SLC4A7: variants seen among roughly 807,000 people sequenced by gnomAD.
The protein encoded by SLC4A7 is solute carrier family 4 member 7.
SLC4A7 carries 51 observed loss-of-function variants against 137.6 expected under a neutral mutation model. The observed-to-expected ratio is 0.37, with a 90% CI of 0.30 to 0.47. The LOEUF is 0.47. SLC4A7 is among the 20% of genes least tolerant of loss of function. SLC4A7 has a pLI of 1.00. For synonymous variants in SLC4A7, 542 were observed against 518.6 expected (o/e 1.05, Z -0.61); for missense variants, 1,247 against 1,525.4 (o/e 0.82, Z 3.04).
In SLC4A7 at chr3:27,373,700, C is replaced by T. The variant is rs1057198708; in HGVS notation, c.*3064G>A. 6.6e-6 allele frequency: 1 copy of T among 152,088 alleles called. No homozygotes were observed. Among genetic ancestry groups the T allele is most frequent in the Non-Finnish European group, 1.5e-5 (1 of 67,936 alleles). The allele number at this position is 152,088 out of a possible 1,614,324, so 9.4% of individuals were successfully genotyped here. ...TTCTTTCAACAGAATTTTGAACCTG[C>T]CTTTGTGAAAGAAAAAAATTAGAAA... On this transcript the variant is annotated 3_prime_UTR_variant, in exon 26 of 26. Coordinates refer to ENST00000454389, the MANE Select transcript of SLC4A7 (RefSeq NM_001321103.2).
intron 23 of SLC4A7, among the ~76,000 whole-genome samples, chr3:27,385,423 T>C (rs1418337816): frequency 1.3e-5 from 2 of 152,164 alleles, no homozygotes; most frequent in Non-Finnish European, 2.9e-5. Context: ...GATAATTACT[T>C]AAAAATCCTT....
Position 27,464,888 on chromosome 3 carries a change from T to C in SLC4A7, c.61-12390A>G, listed in dbSNP as rs551652144. Among the ~76,000 whole-genome samples, 7 of 152,256 alleles carry C rather than the reference T, an allele frequency of 4.6e-5. No homozygotes were observed. The East Asian group carries it at 7.7e-4, about 17-fold the overall frequency. On this transcript the variant is annotated intron_variant, in intron 1 of 25. Transcript: ENST00000454389. ...TCCGGGATAGTAACCTGGAATTCAA[T>C]TGGTGAGATGGACAGCCTGTTAGCC...
chr3:27,481,176 A>G (rs139865850), intron 1 of SLC4A7, among the ~76,000 whole-genome samples: 118 of 152,328 alleles, frequency 7.7e-4, no homozygotes, highest in African/African-American at 2.7e-3. Context: ...AACAACAACA[A>G]AAAAAGACTC....
intron 8 of SLC4A7, among the ~76,000 whole-genome samples, chr3:27,423,198 A>G (rs371750592): frequency 7.9e-5 from 12 of 152,352 alleles, no homozygotes; most frequent in African/African-American, 2.9e-4. Flanking sequence ...TCTGTAAAAT[A>G]TATCTTGTAG....
rs1422845445 is a variant in SLC4A7, at chr3:27,373,611, T to G, written c.*3153A>C. 1 of 152,190 alleles carries G rather than the reference T, an allele frequency of 6.6e-6. No homozygotes were observed. The highest frequency in any genetic ancestry group is 1.5e-5 in the Non-Finnish European group (1 of 67,992). 9.4% of individuals were successfully genotyped at this position (152,190 alleles called of 1,614,324 possible). ...CTGCTGAGCACATTTATAGAACTGA[T>G]GTACATCATATAATCCTTTAAACAG... On this transcript the variant is annotated 3_prime_UTR_variant, in exon 26 of 26. Coordinates refer to ENST00000454389, the MANE Select transcript of SLC4A7 (RefSeq NM_001321103.2).
At chr3:27,398,163 C>A in intron 17 of SLC4A7, 29 bp downstream of exon 17, 1 of 1,545,776 alleles carries the variant, frequency 6.5e-7, no homozygotes, top group Non-Finnish European at 8.8e-7. Context: ...ATGAATATTA[C>A]CAGAATTCCA....
chr3:27,409,614 T>A, intron 12 of SLC4A7, 84 bp from the exon 13 acceptor site: 1 of 1,040,490 alleles, frequency 9.6e-7, no homozygotes, highest in Non-Finnish European at 1.4e-6. Flanking sequence ...TACACAAAAC[T>A]GCTGGTGCCT....
rs1054419589 is a variant in SLC4A7, at chr3:27,409,501, T to C, written c.1796A>G (p.Lys599Arg). Residue 599 changes from lysine to arginine, a missense_variant, in exon 13 of 26, where the codon AAA becomes AGA. Coordinates refer to ENST00000454389, the MANE Select transcript of SLC4A7 (RefSeq NM_001321103.2). ...ACTCAAGAAAAAAGGTGCTTTCCTT[T>C]TGATGTCAAGTATCAAACCACCAAA... Reference protein sequence around the residue: ...RLFGGLILDIKRKAPFFLSDF... With the variant: ...RLFGGLILDIRRKAPFFLSDF... 2 of 1,613,338 alleles carry C rather than the reference T, an allele frequency of 1.2e-6. No individual in the cohort carries two copies. The highest frequency in any genetic ancestry group is 1.7e-6 in the Non-Finnish European group (2 of 1,179,664).
chr3:27,483,554 C>A (rs1020406640), intron 1 of SLC4A7, among the ~76,000 whole-genome samples: 6 of 152,174 alleles, frequency 3.9e-5, no homozygotes, highest in Non-Finnish European at 7.3e-5. Flanking sequence ...AGGGGACACT[C>A]GGAAAGAGGG....
chr3:27,397,902 G>A, intron 17 of SLC4A7, 105 bp from the exon 18 acceptor site: 1 of 681,322 alleles, frequency 1.5e-6, no homozygotes, highest in Non-Finnish European at 2.4e-6. Context: ...CGTACAAATG[G>A]AGCTTTTAAC....
intron 24 of SLC4A7, among the ~76,000 whole-genome samples, chr3:27,381,628 G>A (rs1232441585): frequency 6.6e-6 from 1 of 151,722 alleles, no homozygotes; most frequent in African/African-American, 2.4e-5. Context: ...ACATGTACAA[G>A]TCAAATGTTA....
intron 1 of SLC4A7, among the ~76,000 whole-genome samples, chr3:27,464,557 G>A (rs375586706): frequency 1.3e-3 from 202 of 152,162 alleles, no homozygotes; most frequent in African/African-American, 4.7e-3. Context: ...TTAGCCAGGC[G>A]TGGTGGCGGG....
chr3:27,392,828 A>G (rs2051714857), intron 20 of SLC4A7, among the ~76,000 whole-genome samples: 1 of 152,160 alleles, frequency 6.6e-6, no homozygotes, highest in African/African-American at 2.4e-5. Context: ...TCTGTCTCAA[A>G]AGAAAAAAGA....
At chr3:27,397,899 A>G in intron 17 of SLC4A7, 102 bp from the exon 18 acceptor site, 1 of 690,790 alleles carries the variant, frequency 1.4e-6, no homozygotes, top group Non-Finnish European at 2.4e-6. Flanking sequence ...CAACGTACAA[A>G]TGGAGCTTTT....
In SLC4A7 at chr3:27,424,117, A is replaced by T. The variant is rs1314670354; in HGVS notation, c.1186T>A (p.Leu396Met). The change falls in exon 8 of 26, where the codon TTG (leucine) becomes ATG (methionine). Residue 396 changes from leucine to methionine, a missense_variant. Transcript: ENST00000454389. ...LASPQSAPGN[L>M]DNSKSGEIKG... is the part of the protein sequence containing the mutation. ...ATTTCTCCACTTTTACTATTGTCCAAGTTTCCAGGAGCAGACTGGGGAGAG... is the reference window on the plus strand; with the variant it reads ...ATTTCTCCACTTTTACTATTGTCCATGTTTCCAGGAGCAGACTGGGGAGAG... 2 of 1,611,198 alleles carry T rather than the reference A, an allele frequency of 1.2e-6. No homozygotes were observed. Among genetic ancestry groups the T allele is most frequent in the Admixed American group, 3.3e-5 (2 of 59,722 alleles).
At chr3:27,378,138 C>G (rs1416053678) in intron 25 of SLC4A7, among the ~76,000 whole-genome samples, 1 of 151,914 alleles carries the variant, frequency 6.6e-6, no homozygotes, top group Non-Finnish European at 1.5e-5. Context: ...TTTTTAAGAT[C>G]AAAGACAGAA....
At chr3:27,443,451 T>C (rs2057373316) in intron 3 of SLC4A7, among the ~76,000 whole-genome samples, 2 of 152,154 alleles carry the variant, frequency 1.3e-5, no homozygotes, top group Admixed American at 1.3e-4. Context: ...AATAATCTTT[T>C]TTCAACGTAC....
At chr3:27,399,203 G>T (rs1182649251) in intron 16 of SLC4A7, among the ~76,000 whole-genome samples, 1 of 151,920 alleles carries the variant, frequency 6.6e-6, no homozygotes, top group East Asian at 1.9e-4. Context: ...CCATTCCATG[G>T]ATCATGAAAA....
In SLC4A7 at chr3:27,389,924, A is replaced by C. The variant is rs766181085; in HGVS notation, c.3360+7T>G. The C allele has an allele frequency of 5.6e-6, 9 of 1,609,576 alleles. No individual in the cohort carries two copies. In the Admixed American group the frequency reaches 1.3e-4, roughly 24 times the overall value. ...TTAGTGACAAAATAAGTCTGAAGAAATCTTACCATCATGGGAAAAACCACT... is the reference window on the plus strand; with the variant it reads ...TTAGTGACAAAATAAGTCTGAAGAACTCTTACCATCATGGGAAAAACCACT... On this transcript the variant is annotated splice_region_variant and intron_variant, in intron 22 of 25. Transcript: ENST00000454389.
Sources: allele counts gnomAD v4.1 joint callset (sites outside exome capture counted in the v4.1 genomes callset), GRCh38; gene constraint gnomAD v4.1.1; transcripts MANE v1.5; gene names NCBI Gene and HGNC (gene_info 2026-07-23, HGNC 2026-07-21).